The following OSBPL3 variants were observed in gnomAD, a reference collection of about 807,000 sequenced individuals.
OSBPL3 encodes the protein oxysterol-binding protein-related protein 3.
OSBPL3 carries 65 observed loss-of-function variants against 120.1 expected under a neutral mutation model. That is an observed-to-expected ratio of 0.54 (90% CI 0.44 to 0.67). The LOEUF (loss-of-function observed/expected upper bound fraction) is 0.67, where lower values mean the gene tolerates loss of function less well. Ranked by LOEUF, OSBPL3 falls within the 30% of genes least tolerant of loss-of-function variation. The pLI is 0.00. For missense variants in OSBPL3, 1,004 were observed against 1,082.1 expected, an observed-to-expected ratio of 0.93 and a Z score of 1.01; for synonymous variants, 416 against 402.6, an observed-to-expected ratio of 1.03 and a Z score of -0.40.
intron 11 of OSBPL3, among the ~76,000 whole-genome samples, chr7:24,850,638 A>G (rs1020972935): frequency 5.3e-5 from 8 of 152,222 alleles, no homozygotes; most frequent in African/African-American, 1.9e-4. Context: ...CACAAGAGCT[A>G]AGATCACACA....
In OSBPL3 at chr7:24,899,940, G is replaced by T. The variant is rs965304375; in HGVS notation, c.-149-7319C>A. Among the ~76,000 whole-genome samples the T allele has an allele frequency of 1.3e-5, 2 of 152,198 alleles. No individual in the cohort carries two copies. The highest frequency in any genetic ancestry group is 1.3e-4 in the Admixed American group (2 of 15,290). ...TGATTTTTGCTTAAAGTTTGAGAACGTAACTGACTTAGCCTGTAGCTTTCA... is the reference window on the plus strand; with the variant it reads ...TGATTTTTGCTTAAAGTTTGAGAACTTAACTGACTTAGCCTGTAGCTTTCA... On this transcript the variant is annotated intron_variant, in intron 1 of 22. Coordinates refer to ENST00000313367, the MANE Select transcript of OSBPL3 (RefSeq NM_015550.4). The surrounding 1 kb of genome is among the most constrained non-coding windows in gnomAD (Gnocchi z 4.0).
intron 12 of OSBPL3, among the ~76,000 whole-genome samples, chr7:24,845,409 A>AAAAAAG (rs1798304772): frequency 6.8e-6 from 1 of 147,602 alleles, no homozygotes; most frequent in African/African-American, 2.5e-5. Context: ...AAAAAAAAAA[A>AAAAAAG]AAAAAGAAAA....
At chr7:24,958,134 A>T (rs1193004651) in intron 1 of OSBPL3, among the ~76,000 whole-genome samples, 1 of 152,162 alleles carries the variant, frequency 6.6e-6, no homozygotes, top group African/African-American at 2.4e-5. Context: ...TTCAATTTTT[A>T]AAAAGATTGC....
In OSBPL3 at chr7:24,816,706, A is replaced by C. The variant is rs1794515448; in HGVS notation, c.1949-18T>G. Reference sequence around the variant, plus strand: ...TCTCACATCTGAAATGAAATACCAAATATTACATTTTTAGCAGGAGAGGTA... The same window carrying C: ...TCTCACATCTGAAATGAAATACCAACTATTACATTTTTAGCAGGAGAGGTA... On this transcript the variant is annotated intron_variant, in intron 17 of 22. Coordinates refer to ENST00000313367, the MANE Select transcript of OSBPL3 (RefSeq NM_015550.4). 1 of 1,524,560 alleles carries C rather than the reference A, an allele frequency of 6.6e-7. No homozygotes were observed. Among genetic ancestry groups the C allele is most frequent in the Non-Finnish European group, 9.1e-7 (1 of 1,098,122 alleles). The allele number at this position is 1,524,560 out of a possible 1,614,324, so 94.4% of individuals were successfully genotyped here.
chr7:24,917,738 T>A (rs1385191302), intron 1 of OSBPL3, among the ~76,000 whole-genome samples: 1 of 152,116 alleles, frequency 6.6e-6, no homozygotes, highest in East Asian at 1.9e-4. Flanking sequence ...CTCTGTGGGC[T>A]AGGGGGAGAC....
Position 24,823,951 on chromosome 7 carries a change from C to G in OSBPL3, c.1885-3713G>C, listed in dbSNP as rs545691177. On this transcript the variant is annotated intron_variant, in intron 16 of 22. Coordinates refer to ENST00000313367, the MANE Select transcript of OSBPL3 (RefSeq NM_015550.4). Reference sequence around the variant, plus strand: ...GCAGGATTTTGGTTGAGTCTGTATTCTCCTTACATTTTAATTCAGGCAAAA... The same window carrying G: ...GCAGGATTTTGGTTGAGTCTGTATTGTCCTTACATTTTAATTCAGGCAAAA... Among the ~76,000 whole-genome samples the G allele has an allele frequency of 2.0e-5, 3 of 152,270 alleles. No homozygotes were observed. In the South Asian group the frequency reaches 6.2e-4, roughly 32 times the overall value.
Position 24,840,690 on chromosome 7 carries a change from C to A in OSBPL3, c.1495G>T (p.Gly499Trp). Residue 499 changes from glycine (G) to tryptophan (W), a missense_variant and splice_region_variant, in exon 14 of 23, where the codon GGG becomes TGG. Gly to Trp is a radical substitution (Grantham distance 184). Around this residue, in one of 4 missense-constraint regions of OSBPL3, gnomAD observed 473 missense variants for 568.0 expected, o/e 0.83. Transcript: ENST00000313367. Reference sequence around the variant, plus strand: ...AGAGATTAAATAATGTAAATCTTACCCAAGGTCTGTCTCTCATTATCTAAA... The same window carrying A: ...AGAGATTAAATAATGTAAATCTTACACAAGGTCTGTCTCTCATTATCTAAA... ...NDLDNERQTL[G>W]PVLDSGREAK... is the part of the protein sequence containing the mutation. 1 of 1,289,856 alleles carries A rather than the reference C, an allele frequency of 7.8e-7. No homozygotes were observed. 79.9% of individuals were successfully genotyped at this position (1,289,856 alleles called of 1,614,324 possible). A position where few individuals can be genotyped will look rare whatever the true frequency, so the allele number is the denominator to read the frequency against.
rs778102240 is a variant in OSBPL3 at position 24,872,085 on chromosome 7, A to G, written c.97-16T>C. 1 of 1,504,900 alleles carries G rather than the reference A, an allele frequency of 6.6e-7. No homozygotes were observed. Among genetic ancestry groups the G allele is most frequent in the Non-Finnish European group, 9.3e-7 (1 of 1,080,980 alleles). 93.2% of individuals were successfully genotyped at this position (1,504,900 alleles called of 1,614,324 possible). ...CCCAGCTGTCCTGTTCCAACAAAAG[A>G]GTTCATGTTAAATGTCTATCTTTTT... is the stretch of plus-strand genomic sequence containing the variant. On this transcript the variant is annotated splice_polypyrimidine_tract_variant and intron_variant, in intron 2 of 22. Transcript: ENST00000313367. This position sits in a 1 kb window ranked among gnomAD's most constrained non-coding sequence, Gnocchi z 4.1.
chr7:24,909,783 CTTTT>C (rs10591188), intron 1 of OSBPL3, among the ~76,000 whole-genome samples: 3 of 77,280 alleles, frequency 3.9e-5, no homozygotes, highest in East Asian at 5.0e-4. Flanking sequence ...TTTTTTCTTT[CTTTT>C]TTTTTTTTTT....
At chr7:24,920,736 T>C (rs1453374753) in intron 1 of OSBPL3, among the ~76,000 whole-genome samples, 1 of 151,968 alleles carries the variant, frequency 6.6e-6, no homozygotes, top group Non-Finnish European at 1.5e-5. Flanking sequence ...AATGACCAAA[T>C]AAAATCAACA....
intron 1 of OSBPL3, among the ~76,000 whole-genome samples, chr7:24,973,156 T>C (rs903141372): frequency 4.6e-5 from 7 of 152,172 alleles, no homozygotes; most frequent in Admixed American, 1.3e-4. Context: ...TTAACTCAGA[T>C]CTACTCTCAC....
Position 24,872,448 on chromosome 7 carries a change from A to AGAGAGTGTGTGTGTGTGTGT in OSBPL3, c.97-380_97-379insACACACACACACACACTCTC, listed in dbSNP as rs912921078. 6.9e-6 allele frequency among the ~76,000 whole-genome samples: 1 copy of AGAGAGTGTGTGTGTGTGTGT among 144,890 alleles called. No homozygotes were observed. The highest frequency in any genetic ancestry group is 1.5e-5 in the Non-Finnish European group (1 of 66,312). ...TCAGTCTGAATTTTAACCGAAAGAG[A>AGAGAGTGTGTGTGTGTGTGT]GTGTGTGTGTGTGTGTGTGTGTGTG... is the stretch of plus-strand genomic sequence containing the variant. On this transcript the variant is annotated intron_variant, in intron 2 of 22. Coordinates refer to ENST00000313367, the MANE Select transcript of OSBPL3 (RefSeq NM_015550.4). This position sits in a 1 kb window ranked among gnomAD's most constrained non-coding sequence, Gnocchi z 4.1.
rs1388706326 is a variant in OSBPL3 at position 24,824,382 on chromosome 7, T to A, written c.1885-4144A>T. The stretch of plus-strand genomic sequence containing the variant: ...AAGCAGATAGGAAAAGGAGGTATTT[T>A]CAGTATTTTTGTACTTTGTAAGTTT... On this transcript the variant is annotated intron_variant, in intron 16 of 22. Coordinates refer to ENST00000313367, the MANE Select transcript of OSBPL3 (RefSeq NM_015550.4). This position sits in a 1 kb window ranked among gnomAD's most constrained non-coding sequence, Gnocchi z 4.9. Among the ~76,000 whole-genome samples, 1 of 152,198 alleles carries A rather than the reference T, an allele frequency of 6.6e-6. No individual in the cohort carries two copies. Among genetic ancestry groups the A allele is most frequent in the Non-Finnish European group, 1.5e-5 (1 of 68,030 alleles).
At chr7:24,962,238 G>A (rs563086706) in intron 1 of OSBPL3, among the ~76,000 whole-genome samples, 1 of 151,980 alleles carries the variant, frequency 6.6e-6, no homozygotes, top group African/African-American at 2.4e-5. Flanking sequence ...GGGAGGCGGA[G>A]GTTGCAGTGA....
chr7:24,824,496 T>G lies in OSBPL3; in HGVS notation c.1885-4258A>C, dbSNP rs1795469254. Among the ~76,000 whole-genome samples the G allele has an allele frequency of 6.6e-6, 1 of 152,200 alleles. No individual in the cohort carries two copies. The highest frequency in any genetic ancestry group is 2.4e-5 in the African/African-American group (1 of 41,524). On this transcript the variant is annotated intron_variant, in intron 16 of 22. Coordinates refer to ENST00000313367, the MANE Select transcript of OSBPL3 (RefSeq NM_015550.4). The surrounding 1 kb of genome is among the most constrained non-coding windows in gnomAD (Gnocchi z 4.9). ...GGCATAACTATCCAGTCCTCCTAGG[T>G]CCTGATTTCCCTGCAGCAATACAGG...
At chr7:24,816,735 AGAT>A in intron 17 of OSBPL3, 47 bp from the exon 18 acceptor site, 1 of 1,181,718 alleles carries the variant, frequency 8.5e-7, no homozygotes, top group Non-Finnish European at 1.3e-6. Context: ...AGAGGTAGGT[AGAT>A]GAAATAGTTC....
intron 12 of OSBPL3, among the ~76,000 whole-genome samples, chr7:24,847,161 G>A (rs1385236874): frequency 6.6e-6 from 1 of 152,122 alleles, no homozygotes; most frequent in Non-Finnish European, 1.5e-5. Context: ...CATTGGTGGA[G>A]ACTGTCATTT....
Position 24,855,192 on chromosome 7 carries a change from C to T in OSBPL3, c.1028-2558G>A, listed in dbSNP as rs897616523. On this transcript the variant is annotated intron_variant, in intron 10 of 22. Coordinates refer to ENST00000313367, the MANE Select transcript of OSBPL3 (RefSeq NM_015550.4). This position sits in a 1 kb window ranked among gnomAD's most constrained non-coding sequence, Gnocchi z 4.3. ...GATAGGCACTATGCCCCTCCCCTGC[C>T]TGCCACACACACAGGATGCCCATGG... Among the ~76,000 whole-genome samples the T allele has an allele frequency of 6.6e-6, 1 of 152,190 alleles. No homozygotes were observed. Among genetic ancestry groups the T allele is most frequent in the Admixed American group, 6.5e-5 (1 of 15,276 alleles).
chr7:24,868,930 G>A (rs1801732717), intron 5 of OSBPL3, among the ~76,000 whole-genome samples: 1 of 152,154 alleles, frequency 6.6e-6, no homozygotes, highest in South Asian at 2.1e-4. Context: ...TAACTGTCCA[G>A]GGTCCTGTTC....
Sources: allele counts gnomAD v4.1 joint callset (sites outside exome capture counted in the v4.1 genomes callset), GRCh38; gene constraint gnomAD v4.1.1; regional missense constraint gnomAD v4.1.1; non-coding constraint Gnocchi (gnomAD v3.1); transcripts MANE v1.5; gene names NCBI Gene and HGNC (gene_info 2026-07-23, HGNC 2026-07-21).